Variants in PDE10A observed in about 807,000 individuals in gnomAD.
The protein encoded by PDE10A is cAMP and cAMP-inhibited cGMP 3',5'-cyclic phosphodiesterase 10A.
A neutral mutation model predicts 97.7 loss-of-function variants in PDE10A; 39 were observed. The ratio of observed to expected loss-of-function variants is 0.40; its 90% CI spans 0.31 to 0.52. The LOEUF is 0.52. Ranked by LOEUF, PDE10A falls within the 20% of genes least tolerant of loss-of-function variation. The probability of loss-of-function intolerance (pLI) is 0.56; values close to 1 mark genes in which losing one functional copy is unlikely to be tolerated. For synonymous variants in PDE10A, 371 were observed against 376.8 expected (o/e 0.98, Z 0.18); for missense variants, 731 against 1,047.8 (o/e 0.70, Z 4.17).
chr6:165,768,324 T>G (rs533461830), intron 1 of PDE10A, among the ~76,000 whole-genome samples: 108 of 152,334 alleles, frequency 7.1e-4, no homozygotes, highest in African/African-American at 2.5e-3. Context: ...GCTTGTGCTT[T>G]AAGTGTCATA....
chr6:165,521,669 CAATTCTATGAAGGCTG>C (rs1392821686), intron 2 of PDE10A, among the ~76,000 whole-genome samples: 1 of 152,132 alleles, frequency 6.6e-6, no homozygotes, highest in Non-Finnish European at 1.5e-5. Context: ...TAATTCTCTT[CAATTCTATGAAGGCTG>C]AGAGAGGTCA....
chr6:165,940,332 A>T (rs1381007595), intron 1 of PDE10A: 1 of 152,290 alleles, frequency 6.6e-6, no homozygotes, highest in African/African-American at 2.4e-5. Flanking sequence ...AAACACATGC[A>T]GTGGAAACTA....
chr6:165,487,562 C>G (rs962071440), intron 2 of PDE10A, among the ~76,000 whole-genome samples: 1 of 152,190 alleles, frequency 6.6e-6, no homozygotes, highest in Non-Finnish European at 1.5e-5. Flanking sequence ...AAACTGGTCC[C>G]TGGTGCCAAA....
At chr6:165,379,115 G>A (rs761020311) in intron 18 of PDE10A, 79 bp downstream of exon 18, 46 of 929,858 alleles carry the variant, frequency 4.9e-5, no homozygotes, top group Middle Eastern at 2.3e-4. Context: ...ATAAGCTTAC[G>A]CCACATTACA....
At chr6:165,898,108 C>G (rs1782006720) in intron 1 of PDE10A, among the ~76,000 whole-genome samples, 1 of 151,672 alleles carries the variant, frequency 6.6e-6, no homozygotes, top group African/African-American at 2.4e-5. Flanking sequence ...TCCCCCTCCA[C>G]CCCCCATGAG....
chr6:165,601,547 C>G (rs1265891991), intron 1 of PDE10A, among the ~76,000 whole-genome samples: 1 of 152,144 alleles, frequency 6.6e-6, no homozygotes, highest in Non-Finnish European at 1.5e-5. Flanking sequence ...TTTTAAGATC[C>G]AATTGCCCTG....
At chr6:165,554,051 G>A (rs1412064229) in intron 1 of PDE10A, among the ~76,000 whole-genome samples, 1 of 151,954 alleles carries the variant, frequency 6.6e-6, no homozygotes, top group African/African-American at 2.4e-5. Flanking sequence ...GGGACTGGGG[G>A]TTCTGAGGCA....
chr6:165,359,358 T>G (rs1023873832), intron 18 of PDE10A, among the ~76,000 whole-genome samples: 1 of 152,166 alleles, frequency 6.6e-6, no homozygotes, highest in South Asian at 2.1e-4. Context: ...TTTTGAAGAA[T>G]GTTTCTAATG....
At chr6:165,956,416 G>T (rs1053261529) in intron 1 of PDE10A, among the ~76,000 whole-genome samples, 1 of 152,146 alleles carries the variant, frequency 6.6e-6, no homozygotes, top group African/African-American at 2.4e-5. Flanking sequence ...TTCCAAGTGG[G>T]TCTAACAGTG....
chr6:165,817,152 C>T (rs1042736430), intron 1 of PDE10A, among the ~76,000 whole-genome samples: 1 of 152,128 alleles, frequency 6.6e-6, no homozygotes, highest in Non-Finnish European at 1.5e-5. Context: ...TCCTGCTGCT[C>T]TCTGCTTGCC....
chr6:165,617,868 C>A (rs1368668572), intron 1 of PDE10A, among the ~76,000 whole-genome samples: 1 of 152,140 alleles, frequency 6.6e-6, no homozygotes, highest in Non-Finnish European at 1.5e-5. Context: ...CAAGTGTCAA[C>A]AGTGAAATGA....
chr6:165,530,269 ATG>A (rs71026692), intron 2 of PDE10A, among the ~76,000 whole-genome samples: 12,000 of 148,056 alleles, frequency 0.081, 656 homozygotes, highest in African/African-American at 0.15. Flanking sequence ...CTCTTTATAT[ATG>A]TGTGTGTGTG....
chr6:165,563,959 A>C (rs1784650431), intron 1 of PDE10A, among the ~76,000 whole-genome samples: 1 of 151,316 alleles, frequency 6.6e-6, no homozygotes, highest in African/African-American at 2.4e-5. Context: ...ATATAAACAC[A>C]AACCCATCCT....
At chr6:165,405,037 A>G (rs1002459622) in intron 13 of PDE10A, among the ~76,000 whole-genome samples, 18 of 151,902 alleles carry the variant, frequency 1.2e-4, no homozygotes, top group African/African-American at 4.1e-4. Flanking sequence ...AGGTGACAAT[A>G]GTTTCCTCTA....
At chr6:165,774,500 A>G (rs1216335700) in intron 1 of PDE10A, among the ~76,000 whole-genome samples, 1 of 148,060 alleles carries the variant, frequency 6.8e-6, no homozygotes, top group Non-Finnish European at 1.5e-5. Context: ...ATAGATATTT[A>G]TTACCTATAT....
intron 1 of PDE10A, chr6:165,948,572 C>T (rs1006359848): frequency 1.3e-5 from 2 of 152,316 alleles, no homozygotes; most frequent in African/African-American, 4.8e-5. Context: ...GAATGCTCTC[C>T]CGTGTTTCCA....
In PDE10A at chr6:165,729,201, C is replaced by CA. The variant is rs34154347; in HGVS notation, c.-614-185634dup. Among the ~76,000 whole-genome samples the CA allele has an allele frequency of 3.0e-3, 377 of 125,406 alleles. 1 individual carries two copies. Among genetic ancestry groups the CA allele is most frequent in the African/African-American group, 7.1e-3 (219 of 30,958 alleles). The allele number at this position is 125,406 out of a possible 152,430, so 82.3% of individuals were successfully genotyped here. The stretch of plus-strand genomic sequence containing the variant: ...TGGGTGACAGAGGGAGACTCCATCT[C>CA]AAAAAAAAAAAAAAGATTTCCAGGA... On this transcript the variant is annotated intron_variant, in intron 1 of 19. Transcript: ENST00000366882.
At chr6:165,960,550 TCAAAGA>T (rs1158776926) in intron 1 of PDE10A, among the ~76,000 whole-genome samples, 1 of 152,084 alleles carries the variant, frequency 6.6e-6, no homozygotes, top group African/African-American at 2.4e-5. Context: ...TTTTAGTACA[TCAAAGA>T]CAAAGACAAG....
chr6:165,967,439 G>A (rs1721736365), intron 1 of PDE10A, among the ~76,000 whole-genome samples: 1 of 152,236 alleles, frequency 6.6e-6, no homozygotes, highest in African/African-American at 2.4e-5. Context: ...AAAGGTTGCA[G>A]TGAGCCAAGA....
Sources: allele counts gnomAD v4.1 joint callset (sites outside exome capture counted in the v4.1 genomes callset), GRCh38; gene constraint gnomAD v4.1.1; transcripts MANE v1.5; gene names NCBI Gene and HGNC (gene_info 2026-07-23, HGNC 2026-07-21).